The following FMN2 variants were observed in gnomAD, a reference collection of about 807,000 sequenced individuals.
FMN2 encodes formin 2.
Under a neutral mutation model 142.3 loss-of-function variants are expected in FMN2, and 51 were observed. The ratio of observed to expected loss-of-function variants is 0.36; its 90% CI spans 0.29 to 0.45. The LOEUF is 0.45. Ranked by LOEUF, FMN2 falls within the 20% of genes least tolerant of loss-of-function variation. The pLI is 1.00. For missense variants in FMN2, 1,936 were observed against 2,122.8 expected (o/e 0.91, Z 1.73); for synonymous variants, 882 against 869.8 (o/e 1.01, Z -0.25).
At chr1:240,248,098 T>C (rs1232597623) in intron 6 of FMN2, among the ~76,000 whole-genome samples, 1 of 151,916 alleles carries the variant, frequency 6.6e-6, no homozygotes, top group Non-Finnish European at 1.5e-5. Flanking sequence ...CACCTCCCCC[T>C]CCACCACCCA....
At chr1:240,300,339 T>C (rs4659956) in intron 8 of FMN2, among the ~76,000 whole-genome samples, 55,251 of 152,134 alleles carry the variant, frequency 0.36, 10,394 homozygotes, top group African/African-American at 0.45. Flanking sequence ...GAGCTCAGCA[T>C]GGTAGAACGT....
chr1:240,343,423 C>T (rs1671805679), intron 13 of FMN2, among the ~76,000 whole-genome samples: 2 of 152,198 alleles, frequency 1.3e-5, no homozygotes, highest in African/African-American at 4.8e-5. Context: ...CCAGAGCTCA[C>T]CCTTTTAACC....
Position 240,093,550 on chromosome 1 carries a change from C to T in FMN2, c.1441C>T (p.Arg481Cys). 2 of 1,526,648 alleles carry T rather than the reference C, an allele frequency of 1.3e-6. No individual in the cohort carries two copies. Among genetic ancestry groups the T allele is most frequent in the Non-Finnish European group, 1.7e-6 (2 of 1,144,174 alleles). The allele number at this position is 1,526,648 out of a possible 1,614,324, so 94.6% of individuals were successfully genotyped here. The change falls in exon 1 of 18, where the codon CGC (arginine) becomes TGC (cysteine). Residue 481 changes from arginine to cysteine, a missense_variant. By Grantham distance (180) the Arg-to-Cys change is radical. Transcript: ENST00000319653. Reference sequence around the variant, plus strand: ...CGGCGGCCTTGCGGCCGGCCTGAGCCGCTCGGCTGACTGGACGGAGGAGCT... The same window carrying T: ...CGGCGGCCTTGCGGCCGGCCTGAGCTGCTCGGCTGACTGGACGGAGGAGCT... Reference protein sequence around the residue: ...ADGGLAAGLSRSADWTEELGA... With the variant: ...ADGGLAAGLSCSADWTEELGA...
rs192648641 is a variant in FMN2, at chr1:240,324,383, C to T, written c.4216-4693C>T. ...CTACAAGAAATGGTTTAAGGCCAGGCGCAGAGGCTCATGCCTGTAATCCCA... is the reference window on the plus strand; with the variant it reads ...CTACAAGAAATGGTTTAAGGCCAGGTGCAGAGGCTCATGCCTGTAATCCCA... On this transcript the variant is annotated intron_variant, in intron 8 of 17. Coordinates refer to ENST00000319653, the MANE Select transcript of FMN2 (RefSeq NM_020066.5). 2.1e-3 allele frequency among the ~76,000 whole-genome samples: 327 copies of T among 152,196 alleles called. 2 individuals carry two copies. The highest frequency in any genetic ancestry group is 3.6e-3 in the Non-Finnish European group (248 of 68,004).
At chr1:240,472,327 A>AT in intron 16 of FMN2, 45 bp from the exon 17 acceptor site, 1 of 1,428,530 alleles carries the variant, frequency 7.0e-7, no homozygotes, top group South Asian at 1.2e-5. Context: ...GAATGAGGTG[A>AT]TCTAAGTAGG....
intron 1 of FMN2, among the ~76,000 whole-genome samples, chr1:240,114,483 T>C (rs190526001): frequency 5.3e-5 from 8 of 152,250 alleles, no homozygotes; most frequent in Admixed American, 4.6e-4. Context: ...CTTTCTCAGT[T>C]GTCCTGAAGC....
intron 2 of FMN2, among the ~76,000 whole-genome samples, chr1:240,152,966 G>GAA (rs1663848795): frequency 6.6e-6 from 1 of 152,186 alleles, no homozygotes; most frequent in Non-Finnish European, 1.5e-5. Context: ...TTACTTATTT[G>GAA]AGACTTAGTG....
At chr1:240,247,018 T>A (rs1360985188) in intron 6 of FMN2, among the ~76,000 whole-genome samples, 2 of 152,118 alleles carry the variant, frequency 1.3e-5, no homozygotes, top group African/African-American at 4.8e-5. Context: ...GAAAAAAAGG[T>A]CAGATCATAG....
intron 13 of FMN2, among the ~76,000 whole-genome samples, chr1:240,336,553 CAAAA>C (rs552135436): frequency 2.9e-3 from 148 of 50,500 alleles, no homozygotes; most frequent in African/African-American, 6.7e-3. Context: ...TGGTATTCTC[CAAAA>C]AAAAAAAAAA....
chr1:240,435,189 A>G lies in FMN2; in HGVS notation c.4911-2872A>G, dbSNP rs546195538. On this transcript the variant is annotated intron_variant, in intron 15 of 17. Coordinates refer to ENST00000319653, the MANE Select transcript of FMN2 (RefSeq NM_020066.5). ...AATACATATATTACTACTTCAGTTT[A>G]TAACTTGCAAGGTACTTTTATTTAA... Among the ~76,000 whole-genome samples the G allele has an allele frequency of 5.9e-5, 9 of 152,268 alleles. No homozygotes were observed. The South Asian group carries it at 1.9e-3, about 32-fold the overall frequency.
At chr1:240,361,680 C>A (rs1672488924) in intron 14 of FMN2, among the ~76,000 whole-genome samples, 1 of 152,234 alleles carries the variant, frequency 6.6e-6, no homozygotes, top group South Asian at 2.1e-4. Flanking sequence ...GGCATGGTTA[C>A]CCATATGTAA....
intron 2 of FMN2, chr1:240,171,224 T>C (rs896475501): frequency 4.2e-5 from 33 of 777,222 alleles, no homozygotes; most frequent in Non-Finnish European, 7.6e-5. Context: ...AATCTGTCTT[T>C]TGATGAAATT....
chr1:240,159,905 G>GTATA (rs34012500), intron 2 of FMN2, among the ~76,000 whole-genome samples: 2,426 of 119,988 alleles, frequency 0.02, 29 homozygotes, highest in African/African-American at 0.034. Context: ...ATATATCTGT[G>GTATA]TATATATATA....
chr1:240,187,405 T>G (rs1247921018), intron 3 of FMN2, among the ~76,000 whole-genome samples: 1 of 152,098 alleles, frequency 6.6e-6, no homozygotes, highest in African/African-American at 2.4e-5. Context: ...ACTCTCGTCT[T>G]CACCTTGCCA....
intron 11 of FMN2, 54 bp downstream of exon 11, chr1:240,330,803 T>A: frequency 6.3e-7 from 1 of 1,580,514 alleles, no homozygotes; most frequent in Non-Finnish European, 8.6e-7. Flanking sequence ...AGGTTTTGTT[T>A]AGTAATGGGT....
rs141444484 is a variant in FMN2, at chr1:240,350,640, G to T, written c.4766-5176G>T. 2.6e-3 allele frequency among the ~76,000 whole-genome samples: 390 copies of T among 152,358 alleles called. 3 individuals are homozygous for T. The highest frequency in any genetic ancestry group is 8.6e-3 in the African/African-American group (357 of 41,586). ...GAGATAATTTAAGTAGCTAGCCCAAGATTACAGAGCTAATAGAAGAACTGG... is the reference window on the plus strand; with the variant it reads ...GAGATAATTTAAGTAGCTAGCCCAATATTACAGAGCTAATAGAAGAACTGG... On this transcript the variant is annotated intron_variant, in intron 13 of 17. Coordinates refer to ENST00000319653, the MANE Select transcript of FMN2 (RefSeq NM_020066.5).
intron 11 of FMN2, among the ~76,000 whole-genome samples, chr1:240,332,919 T>C (rs564717454): frequency 1.6e-4 from 24 of 152,282 alleles, no homozygotes; most frequent in African/African-American, 5.8e-4. Flanking sequence ...GGAAGTCAAG[T>C]TGCTTAAATC....
intron 14 of FMN2, among the ~76,000 whole-genome samples, chr1:240,373,163 G>A (rs1672929555): frequency 6.6e-6 from 1 of 152,134 alleles, no homozygotes; most frequent in East Asian, 1.9e-4. Context: ...CAGCCTGGGC[G>A]ACAGAGCAAG....
intron 7 of FMN2, among the ~76,000 whole-genome samples, chr1:240,260,645 G>T (rs1283844763): frequency 6.6e-6 from 1 of 152,112 alleles, no homozygotes; most frequent in Non-Finnish European, 1.5e-5. Context: ...TGTAGATTCT[G>T]GATATTGGTC....
Sources: allele counts gnomAD v4.1 joint callset (sites outside exome capture counted in the v4.1 genomes callset), GRCh38; gene constraint gnomAD v4.1.1; transcripts MANE v1.5; gene names NCBI Gene and HGNC (gene_info 2026-07-23, HGNC 2026-07-21).